RERG: variants seen among roughly 807,000 people sequenced by gnomAD.
RERG encodes ras-related and estrogen-regulated growth inhibitor.
Under a neutral mutation model 23.2 loss-of-function variants are expected in RERG, and 25 were observed. The ratio of observed to expected loss-of-function variants is 1.08; its 90% CI spans 0.79 to 1.50. The LOEUF (loss-of-function observed/expected upper bound fraction) is 1.50. Ranked by LOEUF, RERG falls within the 40% of genes most tolerant of loss-of-function variation. The pLI is 0.00. For missense variants in RERG, 253 were observed against 250.1 expected, an observed-to-expected ratio of 1.01 and a Z score of -0.08; for synonymous variants, 81 against 89.1, an observed-to-expected ratio of 0.91 and a Z score of 0.51.
chr12:15,217,779 G>T, intron 1 of RERG, 176 bp from the exon 2 acceptor site: 1 of 289,768 alleles, frequency 3.5e-6, no homozygotes. Context: ...CTAATAAATG[G>T]TAGATTCAGG....
At position 15,144,050 on chromosome 12, in the gene RERG, A is replaced by T. The variant is rs73306712; in HGVS notation, c.62-22931T>A. ...ACAAAGTAGGGCAAGTGGAAGAAGA[A>T]GAGGTGAGTGAGGAGGTGAAGAAGG... On this transcript the variant is annotated intron_variant, in intron 2 of 4. Transcript: ENST00000256953. 5.9e-3 allele frequency among the ~76,000 whole-genome samples: 903 copies of T among 152,222 alleles called. 10 individuals are homozygous for T. The highest frequency in any genetic ancestry group is 0.021 in the African/African-American group (852 of 41,542).
intron 2 of RERG, among the ~76,000 whole-genome samples, chr12:15,126,864 C>A (rs1401503854): frequency 6.6e-6 from 1 of 151,260 alleles, no homozygotes; most frequent in African/African-American, 2.4e-5. Context: ...ACTACAGGCG[C>A]AACCCGCCAC....
chr12:15,216,810 C>T (rs963408846), intron 2 of RERG, among the ~76,000 whole-genome samples: 2 of 152,194 alleles, frequency 1.3e-5, no homozygotes, highest in African/African-American at 4.8e-5. Flanking sequence ...GGTCTGCTAG[C>T]GATTTCTCAG....
intron 2 of RERG, among the ~76,000 whole-genome samples, chr12:15,164,873 C>A (rs1184462942): frequency 6.6e-6 from 1 of 152,146 alleles, no homozygotes; most frequent in Non-Finnish European, 1.5e-5. Context: ...TGGAGAGAAT[C>A]CAAAGGGTAT....
chr12:15,133,725 G>GTA (rs1864094440), intron 2 of RERG, among the ~76,000 whole-genome samples: 2 of 135,046 alleles, frequency 1.5e-5, no homozygotes, highest in Admixed American at 1.5e-4. Context: ...TGACTGAGAG[G>GTA]TTTTTTTTTT....
chr12:15,202,343 CACA>C (rs1362207338), intron 2 of RERG, among the ~76,000 whole-genome samples: 2 of 151,656 alleles, frequency 1.3e-5, no homozygotes, highest in African/African-American at 4.8e-5. Context: ...TTTTTAAGCG[CACA>C]ACACCATATT....
chr12:15,156,473 T>C (rs1255887320), intron 2 of RERG, among the ~76,000 whole-genome samples: 1 of 152,236 alleles, frequency 6.6e-6, no homozygotes, highest in Non-Finnish European at 1.5e-5. Flanking sequence ...AATTGTATGA[T>C]AATTACCAAC....
chr12:15,151,398 A>G (rs1864439697), intron 2 of RERG, among the ~76,000 whole-genome samples: 1 of 152,218 alleles, frequency 6.6e-6, no homozygotes, highest in African/African-American at 2.4e-5. Context: ...GTTTCCACGC[A>G]ACAGCCAAAT....
intron 2 of RERG, among the ~76,000 whole-genome samples, chr12:15,187,189 G>A (rs1184994908): frequency 6.6e-6 from 1 of 152,098 alleles, no homozygotes; most frequent in Non-Finnish European, 1.5e-5. Context: ...TTCAAGAGCA[G>A]AGGGGTAGAA....
intron 2 of RERG, among the ~76,000 whole-genome samples, chr12:15,158,259 T>C (rs1043534878): frequency 5.3e-5 from 8 of 152,074 alleles, no homozygotes; most frequent in Non-Finnish European, 7.4e-5. Flanking sequence ...CTCTTTTAAA[T>C]TGGAACAGTT....
intron 2 of RERG, among the ~76,000 whole-genome samples, chr12:15,157,387 G>A (rs757485295): frequency 2.6e-5 from 4 of 152,184 alleles, no homozygotes; most frequent in Admixed American, 2.0e-4. Flanking sequence ...CAAGAGGGAC[G>A]TGCAAGAAGC....
At chr12:15,209,185 G>A (rs1047744820) in intron 2 of RERG, among the ~76,000 whole-genome samples, 1 of 152,004 alleles carries the variant, frequency 6.6e-6, no homozygotes, top group East Asian at 1.9e-4. Flanking sequence ...GGAACATAAG[G>A]GGAAAAAATG....
At position 15,197,839 on chromosome 12, in the gene RERG, A is replaced by G. The variant is rs570458310; in HGVS notation, c.61+19590T>C. 8.2e-4 allele frequency among the ~76,000 whole-genome samples: 125 copies of G among 152,236 alleles called. 1 individual carries two copies. In the South Asian group the frequency reaches 0.026, roughly 31 times the overall value. Reference sequence around the variant, plus strand: ...GTGTGTGCACAGTGGTGGGCGGTGCAGAGAAAAAGGACGGGCTGGGCCTGT... The same window carrying G: ...GTGTGTGCACAGTGGTGGGCGGTGCGGAGAAAAAGGACGGGCTGGGCCTGT... On this transcript the variant is annotated intron_variant, in intron 2 of 4. Transcript: ENST00000256953.
intron 2 of RERG, chr12:15,154,294 A>G (rs1033716355): frequency 3.3e-5 from 5 of 152,196 alleles, no homozygotes; most frequent in African/African-American, 1.2e-4. Flanking sequence ...CAGATTGCCA[A>G]CCACCCGGTT....
intron 3 of RERG, among the ~76,000 whole-genome samples, chr12:15,112,024 C>T (rs1352551926): frequency 6.6e-6 from 1 of 152,134 alleles, no homozygotes; most frequent in African/African-American, 2.4e-5. Flanking sequence ...AAAGCCAGCT[C>T]CCTGGTGCTC....
At chr12:15,193,350 T>C (rs1234924726) in intron 2 of RERG, among the ~76,000 whole-genome samples, 7 of 152,300 alleles carry the variant, frequency 4.6e-5, no homozygotes, top group African/African-American at 1.4e-4. Flanking sequence ...ACTCCTGCCA[T>C]GGGGAACTGT....
chr12:15,141,675 C>CT, intron 2 of RERG, among the ~76,000 whole-genome samples: 1 of 152,130 alleles, frequency 6.6e-6, no homozygotes, highest in Non-Finnish European at 1.5e-5. Context: ...TCCCTGGGAA[C>CT]TTTAATATTC....
At chr12:15,148,709 A>C (rs994243822) in intron 2 of RERG, among the ~76,000 whole-genome samples, 2 of 152,122 alleles carry the variant, frequency 1.3e-5, no homozygotes, top group Non-Finnish European at 2.9e-5. Context: ...TTCCCCAGGA[A>C]TTTGGAGATT....
rs566992893 is a variant in RERG, at chr12:15,130,884, C to G, written c.62-9765G>C. ...GTTTTTGAAAATCTAGCCTGGGAGT[C>G]TAGCTTCAGTGCATCTCAAGTCTGG... is the stretch of plus-strand genomic sequence containing the variant. On this transcript the variant is annotated intron_variant, in intron 2 of 4. Transcript: ENST00000256953. 3.6e-4 allele frequency among the ~76,000 whole-genome samples: 54 copies of G among 152,030 alleles called. 1 individual carries two copies. The South Asian group carries it at 0.011, about 32-fold the overall frequency.
Sources: gnomAD v4.1 joint callset for allele counts (sites outside exome capture counted in the v4.1 genomes callset) on GRCh38, gnomAD v4.1.1 for gene constraint, MANE v1.5 for transcripts, NCBI Gene and HGNC (gene_info 2026-07-23, HGNC 2026-07-21) for gene names.